SLC36A1: variants seen among roughly 807,000 people sequenced by gnomAD.
The protein encoded by SLC36A1 is proton-coupled amino acid transporter 1.
Under a neutral mutation model 47.5 loss-of-function variants are expected in SLC36A1, and 30 were observed. The observed-to-expected ratio is 0.63, with a 90% CI of 0.47 to 0.86. The LOEUF is 0.86. SLC36A1 is among the 40% of genes least tolerant of loss of function. The pLI, the probability that SLC36A1 is intolerant of heterozygous loss-of-function variation, is 0.00. For synonymous variants in SLC36A1, 255 were observed against 249.7 expected (o/e 1.02, Z -0.20); for missense variants, 517 against 606.0 (o/e 0.85, Z 1.54).
chr5:151,482,374 A>G (rs1375263496), intron 10 of SLC36A1, among the ~76,000 whole-genome samples: 1 of 152,164 alleles, frequency 6.6e-6, no homozygotes, highest in African/African-American at 2.4e-5. Flanking sequence ...TCTCAACTCC[A>G]AAATTCTGTG....
the SLC36A1 span, among the ~76,000 whole-genome samples, chr5:151,367,361 A>ATTTTTTTTTTTTTTTTTTTTTTT: frequency 5.9e-5 from 7 of 118,846 alleles, no homozygotes; most frequent in Non-Finnish European, 6.9e-5. Context: ...CCAGGAATGC[A>ATTTTTTTTTTTTTTTTTTTTTTT]TTTTTTTTTT....
chr5:151,504,569 G>C, the SLC36A1 span: 2 of 152,652 alleles, frequency 1.3e-5, no homozygotes, highest in African/African-American at 4.8e-5. Context: ...TGGACACTGC[G>C]GTCCAGCTCC....
chr5:151,398,187 G>A, the SLC36A1 span, among the ~76,000 whole-genome samples: 1 of 152,158 alleles, frequency 6.6e-6, no homozygotes, highest in South Asian at 2.1e-4. Context: ...TGAGTTAACA[G>A]GAATCACCCT....
chr5:151,440,474 G>C lies in SLC36A1; in HGVS notation c.-6+3295G>C, dbSNP rs73285680. On this transcript the variant is annotated intron_variant, in intron 1 of 8. Coordinates refer to the SLC36A1 transcript ENST00000429484. ...CAGGAGGATGGATCAGGGACCCAAG[G>C]GGTCTCAAAAAGAGAGAAGGAGAGG... Among the ~76,000 whole-genome samples, 1,005 of 147,516 alleles carry C rather than the reference G, an allele frequency of 6.8e-3. 15 individuals are homozygous for C. Among genetic ancestry groups the C allele is most frequent in the East Asian group, 0.027 (141 of 5,156 alleles).
the SLC36A1 span, among the ~76,000 whole-genome samples, chr5:151,414,296 T>A: frequency 6.6e-6 from 1 of 151,878 alleles, no homozygotes; most frequent in African/African-American, 2.4e-5. Flanking sequence ...GCATGTTACC[T>A]ATAGGAAAAA....
intron 4 of SLC36A1, 122 bp downstream of exon 4, chr5:151,464,724 C>A: frequency 1.2e-6 from 1 of 810,550 alleles, no homozygotes; most frequent in Non-Finnish European, 2.0e-6. Flanking sequence ...GAGGTAGCAG[C>A]TTATGATTGC....
the SLC36A1 span, among the ~76,000 whole-genome samples, chr5:151,369,023 C>A: frequency 6.6e-6 from 1 of 152,196 alleles, no homozygotes; most frequent in Non-Finnish European, 1.5e-5. Context: ...ATGGAAAAAG[C>A]TGACTAGTAT....
intron 2 of SLC36A1, among the ~76,000 whole-genome samples, chr5:151,462,457 C>T (rs555378004): frequency 2.5e-4 from 38 of 151,930 alleles, no homozygotes; most frequent in Non-Finnish European, 4.4e-4. Flanking sequence ...CTCTGCCTCC[C>T]GGATTCAAGC....
intron 10 of SLC36A1, among the ~76,000 whole-genome samples, chr5:151,487,404 T>TA (rs112241911): frequency 0.043 from 6,605 of 152,308 alleles, 458 homozygotes; most frequent in African/African-American, 0.15. Flanking sequence ...GTCACAGAGA[T>TA]ACGGTCGTCG....
the SLC36A1 span, among the ~76,000 whole-genome samples, chr5:151,405,343 C>CTTTTTTTTTTTTTT: frequency 2.3e-5 from 2 of 85,268 alleles, no homozygotes; most frequent in East Asian, 3.3e-4. Context: ...CTCTCTTTCT[C>CTTTTTTTTTTTTTT]TTTTTTTTTT....
the SLC36A1 span, among the ~76,000 whole-genome samples, chr5:151,529,949 T>C: frequency 9.2e-5 from 14 of 152,248 alleles, no homozygotes; most frequent in African/African-American, 3.1e-4. Flanking sequence ...TAGTTAATGG[T>C]GGACACTCTG....
chr5:151,423,073 C>G, the SLC36A1 span, among the ~76,000 whole-genome samples: 1 of 152,202 alleles, frequency 6.6e-6, no homozygotes, highest in Non-Finnish European at 1.5e-5. Context: ...CAAATCCATA[C>G]TACAATGAGC....
the SLC36A1 span, among the ~76,000 whole-genome samples, chr5:151,430,667 G>T: frequency 6.6e-6 from 1 of 152,110 alleles, no homozygotes; most frequent in East Asian, 1.9e-4. Flanking sequence ...TGTGTGCCAG[G>T]TACTGTGTTG....
the SLC36A1 span, chr5:151,517,745 C>T: frequency 1.9e-6 from 3 of 1,614,214 alleles, no homozygotes; most frequent in Admixed American, 5.0e-5. Context: ...TAGCTCTGAC[C>T]ACTGAACCTT....
At chr5:151,544,180 G>A in the SLC36A1 span, 1 of 1,614,188 alleles carries the variant, frequency 6.2e-7, no homozygotes, top group Non-Finnish European at 8.5e-7. Flanking sequence ...GGAAACATCT[G>A]AGCCATCCTC....
At chr5:151,454,369 A>G (rs967939774) in intron 1 of SLC36A1, among the ~76,000 whole-genome samples, 2 of 152,150 alleles carry the variant, frequency 1.3e-5, no homozygotes, top group African/African-American at 4.8e-5. Context: ...CAGTGTGGCC[A>G]TGGATGCCAG....
At chr5:151,421,783 G>A in the SLC36A1 span, among the ~76,000 whole-genome samples, 1 of 151,202 alleles carries the variant, frequency 6.6e-6, no homozygotes, top group Admixed American at 6.6e-5. Context: ...GTAGAGACAG[G>A]GTTTCACCAT....
chr5:151,488,015 C>T lies in SLC36A1; in HGVS notation c.1192C>T (p.Leu398=), dbSNP rs1296430851. The change falls in exon 11 of 11, where the codon CTG becomes TTG. Residue 398 remains leucine (L), a synonymous_variant. Transcript: ENST00000243389. ...ILAILIPRLD[L]VISLVGSVSS... is the part of the protein sequence containing the mutation. The stretch of plus-strand genomic sequence containing the variant: ...GGCCATCCTCATCCCCCGCCTGGAC[C>T]TGGTCATCTCCCTGGTGGGCTCCGT... 6.2e-7 allele frequency: 1 copy of T among 1,614,032 alleles called. No individual in the cohort carries two copies. Among genetic ancestry groups the T allele is most frequent in the East Asian group, 2.2e-5 (1 of 44,886 alleles).
At position 151,476,616 on chromosome 5, in the gene SLC36A1, G is replaced by A; in HGVS notation, c.849G>A (p.Lys283=). 1 of 1,596,854 alleles carries A rather than the reference G, an allele frequency of 6.3e-7. No individual in the cohort carries two copies. The highest frequency in any genetic ancestry group is 8.5e-7 in the Non-Finnish European group (1 of 1,171,988). The stretch of plus-strand genomic sequence containing the variant: ...TTCTGCCCCTGGAAAACAAAATGAA[G>A]GATCCTCGGAAGTTCCCACTCATCC... ...GMVLPLENKM[K]DPRKFPLILY... The change falls in exon 9 of 11, where the codon AAG becomes AAA. Residue 283 remains lysine (K), a synonymous_variant. Coordinates refer to ENST00000243389, the MANE Select transcript of SLC36A1 (RefSeq NM_078483.4).
Sources: gnomAD v4.1 joint callset for allele counts (sites outside exome capture counted in the v4.1 genomes callset) on GRCh38, gnomAD v4.1.1 for gene constraint, MANE v1.5 for transcripts, NCBI Gene and HGNC (gene_info 2026-07-23, HGNC 2026-07-21) for gene names.